LAPTM4A: variants seen among roughly 807,000 people sequenced by gnomAD.
LAPTM4A encodes lysosomal protein transmembrane 4 alpha, also known as lysosomal-associated transmembrane protein 4A.
In LAPTM4A, 19 loss-of-function variants were observed where a neutral mutation model predicts 29.9. The observed-to-expected ratio is 0.64, with a 90% CI of 0.44 to 0.93. LAPTM4A has a LOEUF of 0.93. LAPTM4A is among the 40% of genes least tolerant of loss of function. LAPTM4A has a pLI of 0.00. For missense variants in LAPTM4A, 293 were observed against 288.5 expected, an observed-to-expected ratio of 1.02 and a Z score of -0.11; for synonymous variants, 105 against 102.1, an observed-to-expected ratio of 1.03 and a Z score of -0.17.
intron 1 of LAPTM4A, among the ~76,000 whole-genome samples, chr2:20,049,745 A>G (rs1674010907): frequency 6.6e-6 from 1 of 152,190 alleles, no homozygotes; most frequent in Non-Finnish European, 1.5e-5. Context: ...AAGAAACAGG[A>G]AGACTAAGAC....
At chr2:20,047,279 T>C (rs1267414121) in intron 1 of LAPTM4A, among the ~76,000 whole-genome samples, 1 of 149,670 alleles carries the variant, frequency 6.7e-6, no homozygotes, top group African/African-American at 2.5e-5. Context: ...TCCCAGCTAT[T>C]TGGGAGGCTG....
chr2:20,044,661 C>T (rs933197988), intron 1 of LAPTM4A, among the ~76,000 whole-genome samples: 8 of 152,208 alleles, frequency 5.3e-5, no homozygotes, highest in African/African-American at 1.4e-4. Context: ...CCACTATTAT[C>T]TTCTTTTAGT....
chr2:20,045,917 G>A (rs1269577799), intron 1 of LAPTM4A, among the ~76,000 whole-genome samples: 3 of 152,192 alleles, frequency 2.0e-5, no homozygotes, highest in African/African-American at 4.8e-5. Context: ...TTCCCATGCA[G>A]AGAAAGCACC....
At chr2:20,046,099 A>AACCAAACACCG (rs1357655586) in intron 1 of LAPTM4A, among the ~76,000 whole-genome samples, 1 of 152,210 alleles carries the variant, frequency 6.6e-6, no homozygotes, top group Non-Finnish European at 1.5e-5. Flanking sequence ...AAGGACAGAA[A>AACCAAACACCG]ACCAAACACC....
Position 20,032,686 on chromosome 2 carries a change from C to G in LAPTM4A, c.*519G>C, listed in dbSNP as rs1214757909. 6.5e-6 allele frequency: 1 copy of G among 152,744 alleles called. No homozygotes were observed. Among genetic ancestry groups the G allele is most frequent in the Non-Finnish European group, 1.5e-5 (1 of 68,386 alleles). 9.5% of individuals were successfully genotyped at this position (152,744 alleles called of 1,614,324 possible). On this transcript the variant is annotated 3_prime_UTR_variant, in exon 7 of 7. Coordinates refer to ENST00000175091, the MANE Select transcript of LAPTM4A (RefSeq NM_014713.5). ...AGAGATTTATTAAATCATCTTATCA[C>G]AAAGATGGAAACATATACAAACTAG... is the stretch of plus-strand genomic sequence containing the variant.
In LAPTM4A at chr2:20,037,397, A is replaced by G. The variant is rs1673700839; in HGVS notation, c.351T>C (p.Leu117=). 1 of 1,613,048 alleles carries G rather than the reference A, an allele frequency of 6.2e-7. No homozygotes were observed. Among genetic ancestry groups the G allele is most frequent in the Non-Finnish European group, 8.5e-7 (1 of 1,179,598 alleles). ...CCAGGCAACTGAGGACGAAGTCAAA[A>G]AGTCGGTAACAGAAGAATGGAATCA... ...GWLIPFFCYR[L]FDFVLSCLVA... Residue 117 remains leucine, a synonymous_variant, in exon 4 of 7, where the codon CTT becomes CTC. Coordinates refer to ENST00000175091, the MANE Select transcript of LAPTM4A (RefSeq NM_014713.5).
At chr2:20,044,302 A>G (rs773029928) in intron 1 of LAPTM4A, among the ~76,000 whole-genome samples, 2 of 152,228 alleles carry the variant, frequency 1.3e-5, no homozygotes, top group Non-Finnish European at 2.9e-5. Context: ...ATCAGTTTGA[A>G]ATCAATTAGG....
intron 6 of LAPTM4A, 79 bp downstream of exon 6, chr2:20,034,238 G>C (rs926372773): frequency 1.0e-6 from 1 of 972,756 alleles, no homozygotes; most frequent in African/African-American, 1.6e-5. Flanking sequence ...GCATGAAAGA[G>C]AAAGTCAAGC....
Position 20,041,031 on chromosome 2 carries a change from A to G in LAPTM4A, c.112-20T>C. The stretch of plus-strand genomic sequence containing the variant: ...TACTACCTGGAAAAGATAACATTCT[A>G]TCAGTTACATTAATTACCATCACGA... On this transcript the variant is annotated intron_variant, in intron 1 of 6. Transcript: ENST00000175091. The G allele has an allele frequency of 6.2e-7, 1 of 1,612,870 alleles. No homozygotes were observed.
intron 1 of LAPTM4A, among the ~76,000 whole-genome samples, chr2:20,044,743 C>T (rs1016531777): frequency 2.6e-5 from 4 of 152,314 alleles, no homozygotes; most frequent in Admixed American, 2.6e-4. Context: ...AATCGTAGGG[C>T]CAATCAGAAG....
In LAPTM4A at chr2:20,051,553, C is replaced by G. The variant is rs750197385; in HGVS notation, c.-33G>C. ...GGCGGGCCTCCTTCTTGGCCGGGCC[C>G]CTGACAAACGTTCTCCACCCGCAGC... is the stretch of plus-strand genomic sequence containing the variant. On this transcript the variant is annotated 5_prime_UTR_variant, in exon 1 of 7. Transcript: ENST00000175091. The G allele has an allele frequency of 1.4e-6, 2 of 1,401,564 alleles. No individual in the cohort carries two copies. Among genetic ancestry groups the G allele is most frequent in the South Asian group, 2.5e-5 (2 of 81,598 alleles). The allele number at this position is 1,401,564 out of a possible 1,614,324, so 86.8% of individuals were successfully genotyped here.
intron 6 of LAPTM4A, 113 bp downstream of exon 6, chr2:20,034,204 T>C: frequency 1.3e-6 from 1 of 776,762 alleles, no homozygotes; most frequent in Non-Finnish European, 2.3e-6. Flanking sequence ...GTACCCAGGG[T>C]TCATGCCCAA....
chr2:20,034,546 A>G (rs769361826), intron 5 of LAPTM4A, 131 bp from the exon 6 acceptor site: 9 of 674,466 alleles, frequency 1.3e-5, no homozygotes, highest in Non-Finnish European at 2.4e-5. Context: ...GTGTGGACCC[A>G]GCACAGGCCA....
At chr2:20,033,371 G>C (rs891633971) in intron 6 of LAPTM4A, 92 bp from the exon 7 acceptor site, 2 of 996,304 alleles carry the variant, frequency 2.0e-6, no homozygotes, top group Admixed American at 3.6e-5. Flanking sequence ...CCCTAAATAG[G>C]GTTATACAAA....
intron 1 of LAPTM4A, among the ~76,000 whole-genome samples, chr2:20,050,512 C>A (rs1674030091): frequency 6.6e-6 from 1 of 152,196 alleles, no homozygotes; most frequent in South Asian, 2.1e-4. Flanking sequence ...TCATAATAAC[C>A]TAAAACTACC....
chr2:20,044,645 G>A (rs1673872650), intron 1 of LAPTM4A, among the ~76,000 whole-genome samples: 1 of 152,098 alleles, frequency 6.6e-6, no homozygotes, highest in African/African-American at 2.4e-5. Flanking sequence ...TAAGTCACAC[G>A]CTCATCCACT....
chr2:20,043,077 C>CT (rs397870459), intron 1 of LAPTM4A, among the ~76,000 whole-genome samples: 46,745 of 141,476 alleles, frequency 0.33, 7,915 homozygotes, highest in Admixed American at 0.4. Context: ...GTAGCTGGGA[C>CT]TTTTTTTTTT....
rs777286709 is a variant in LAPTM4A at position 20,037,331 on chromosome 2, T to G, written c.417A>C (p.Glu139Asp). 1 of 1,611,566 alleles carries G rather than the reference T, an allele frequency of 6.2e-7. No individual in the cohort carries two copies. Among genetic ancestry groups the G allele is most frequent in the Non-Finnish European group, 8.5e-7 (1 of 1,178,892 alleles). The change falls in exon 4 of 7, where the codon GAA becomes GAC. Residue 139 changes from glutamate (E) to aspartate (D), a missense_variant. Glu to Asp is a conservative substitution (Grantham distance 45). Coordinates refer to ENST00000175091, the MANE Select transcript of LAPTM4A (RefSeq NM_014713.5). ...SSLTYLPRIK[E>D]YLDQLPDFPY... ...ACACACTTACTAGTTGATCCAGATATTCTTTGATTCTTGGCAAATAGGTGA... is the reference window on the plus strand; with the variant it reads ...ACACACTTACTAGTTGATCCAGATAGTCTTTGATTCTTGGCAAATAGGTGA...
At chr2:20,047,089 T>C (rs1048937278) in intron 1 of LAPTM4A, among the ~76,000 whole-genome samples, 1 of 151,868 alleles carries the variant, frequency 6.6e-6, no homozygotes, top group Admixed American at 6.6e-5. Flanking sequence ...TCCCCCTGGC[T>C]AGGAAGTAAA....
Sources: allele counts gnomAD v4.1 joint callset (sites outside exome capture counted in the v4.1 genomes callset), GRCh38; gene constraint gnomAD v4.1.1; transcripts MANE v1.5; gene names NCBI Gene and HGNC (gene_info 2026-07-23, HGNC 2026-07-21).